IGSF10: variants seen among roughly 807,000 people sequenced by gnomAD.
IGSF10 encodes immunoglobulin superfamily member 10, also known as calvaria mechanical force protein 608.
In IGSF10, 126 loss-of-function variants were observed where a neutral mutation model predicts 128.2. The observed-to-expected ratio is 0.98, with a 90% CI of 0.85 to 1.14. The LOEUF is 1.14. IGSF10 is among the 50% of genes most tolerant of loss of function. The probability of loss-of-function intolerance (pLI) is 0.00; values close to 1 mark genes in which losing one functional copy is unlikely to be tolerated. For missense variants in IGSF10, 3,295 were observed against 3,149.8 expected (o/e 1.05, Z -1.10); for synonymous variants, 1,185 against 1,146.2 (o/e 1.03, Z -0.68).
the IGSF10 span, among the ~76,000 whole-genome samples, chr3:151,490,230 G>A: frequency 9.9e-5 from 15 of 152,190 alleles, no homozygotes; most frequent in East Asian, 7.7e-4. Flanking sequence ...AAAAGATATC[G>A]GGGTGGCTAA....
At chr3:151,489,278 C>A in the IGSF10 span, among the ~76,000 whole-genome samples, 1 of 152,090 alleles carries the variant, frequency 6.6e-6, no homozygotes, top group African/African-American at 2.4e-5. Context: ...CAATGAGATA[C>A]CATCTCATGC....
In IGSF10 at chr3:151,443,033, G is replaced by C; in HGVS notation, c.5914C>G (p.Gln1972Glu). Residue 1972 changes from glutamine (Q) to glutamate (E), a missense_variant, in exon 7 of 8, where the codon CAA becomes GAA. Physicochemically the swap from Gln to Glu is conservative, Grantham distance 29. Transcript: ENST00000282466. Reference sequence around the variant, plus strand: ...TTGGATGGTAACCTCCACATTATTTGGGGTTTGGGCTCCCCAGTGGCTGAG... The same window carrying C: ...TTGGATGGTAACCTCCACATTATTTCGGGTTTGGGCTCCCCAGTGGCTGAG... ...NCSATGEPKP[Q>E]IMWRLPSKAV... is the part of the protein sequence containing the mutation. 1 of 1,614,164 alleles carries C rather than the reference G, an allele frequency of 6.2e-7. No homozygotes were observed.
In IGSF10 at chr3:151,448,873, G is replaced by A. The variant is rs754784658; in HGVS notation, c.1108C>T (p.His370Tyr). 32 of 1,614,058 alleles carry A rather than the reference G, an allele frequency of 2.0e-5. No homozygotes were observed. The South Asian group carries it at 3.3e-4, about 17-fold the overall frequency. The change falls in exon 6 of 8, where the codon CAC becomes TAC. Residue 370 changes from histidine (H) to tyrosine (Y), a missense_variant. Transcript: ENST00000282466. ...TFLVCNIDYG[H>Y]IQPVWQILAL... ...AAAATTTGCCACACTGGCTGAATGTGACCGTAATCTATGTTGCACACCAAA... is the reference window on the plus strand; with the variant it reads ...AAAATTTGCCACACTGGCTGAATGTAACCGTAATCTATGTTGCACACCAAA...
At chr3:151,463,337 G>A (rs1339718047), upstream of IGSF10, among the ~76,000 whole-genome samples, 1 of 151,960 alleles carries the variant, frequency 6.6e-6, no homozygotes, top group Non-Finnish European at 1.5e-5. Context: ...GAGTATATAT[G>A]TGTCAAAGCC....
At chr3:151,522,823 G>A in the IGSF10 span, among the ~76,000 whole-genome samples, 1 of 152,180 alleles carries the variant, frequency 6.6e-6, no homozygotes, top group African/African-American at 2.4e-5. Context: ...CATAGTTTTG[G>A]AAGTTCTGGC....
the IGSF10 span, among the ~76,000 whole-genome samples, chr3:151,560,406 C>A: frequency 6.6e-6 from 1 of 152,098 alleles, no homozygotes; most frequent in Non-Finnish European, 1.5e-5. Flanking sequence ...GAGCTTTAAT[C>A]ATCTGTTCCT....
the IGSF10 span, among the ~76,000 whole-genome samples, chr3:151,472,432 T>C: frequency 6.6e-6 from 1 of 152,164 alleles, no homozygotes; most frequent in Non-Finnish European, 1.5e-5. Context: ...TTGGGCAAGT[T>C]ATAAAGCAGT....
the IGSF10 span, among the ~76,000 whole-genome samples, chr3:151,583,279 C>T: frequency 6.6e-6 from 1 of 151,478 alleles, no homozygotes; most frequent in Non-Finnish European, 1.5e-5. Flanking sequence ...AGATGAATAC[C>T]CATACAATTG....
upstream of IGSF10, among the ~76,000 whole-genome samples, chr3:151,463,830 C>CA (rs1560185733): frequency 6.6e-6 from 1 of 151,704 alleles, no homozygotes; most frequent in Non-Finnish European, 1.5e-5. Flanking sequence ...TACAAAAATA[C>CA]AAAAAAAGCC....
chr3:151,472,147 A>G, the IGSF10 span, among the ~76,000 whole-genome samples: 1 of 152,210 alleles, frequency 6.6e-6, no homozygotes, highest in African/African-American at 2.4e-5. Flanking sequence ...CCAGTGTTTG[A>G]CTTGTCAAAG....
the IGSF10 span, among the ~76,000 whole-genome samples, chr3:151,576,933 A>G: frequency 6.8e-6 from 1 of 147,508 alleles, no homozygotes; most frequent in East Asian, 1.9e-4. Context: ...TGCTCTACCT[A>G]TGGAGAAGCC....
At chr3:151,474,986 T>G in the IGSF10 span, among the ~76,000 whole-genome samples, 73,108 of 151,988 alleles carry the variant, frequency 0.48, 18,047 homozygotes, top group African/African-American at 0.59. Flanking sequence ...GAGATTTAGG[T>G]GGGGACACAG....
chr3:151,445,107 G>A lies in IGSF10; in HGVS notation c.4874C>T (p.Pro1625Leu). The change falls in exon 6 of 8, where the codon CCA (proline) becomes CTA (leucine). Residue 1625 changes from proline (P) to leucine (L), a missense_variant. Coordinates refer to ENST00000282466, the MANE Select transcript of IGSF10 (RefSeq NM_178822.5). ...NTKKSDFDKK[P>L]VQEATTSKLL... is the part of the protein sequence containing the mutation. The stretch of plus-strand genomic sequence containing the variant: ...TTTGGAAGTTGTTGCTTCTTGAACT[G>A]GTTTCTTATCAAAGTCACTCTTCTT... 1 of 1,614,092 alleles carries A rather than the reference G, an allele frequency of 6.2e-7. No individual in the cohort carries two copies. The highest frequency in any genetic ancestry group is 8.5e-7 in the Non-Finnish European group (1 of 1,179,986).
chr3:151,494,862 G>C, the IGSF10 span, among the ~76,000 whole-genome samples: 9 of 152,134 alleles, frequency 5.9e-5, no homozygotes, highest in African/African-American at 2.2e-4. Flanking sequence ...TTAAGGCAGT[G>C]CCATTAAATC....
chr3:151,569,405 C>T, the IGSF10 span, among the ~76,000 whole-genome samples: 3 of 152,126 alleles, frequency 2.0e-5, no homozygotes, highest in South Asian at 6.2e-4. Context: ...GTGTGCCTCT[C>T]ATTTGTTATC....
chr3:151,491,551 C>A, the IGSF10 span, among the ~76,000 whole-genome samples: 1 of 152,132 alleles, frequency 6.6e-6, no homozygotes, highest in South Asian at 2.1e-4. Flanking sequence ...GCACTCCAAC[C>A]TGGGTGACGG....
At chr3:151,471,682 T>G in the IGSF10 span, among the ~76,000 whole-genome samples, 1 of 152,208 alleles carries the variant, frequency 6.6e-6, no homozygotes, top group Non-Finnish European at 1.5e-5. Context: ...CATCAAAAAT[T>G]GACTCAAAGT....
chr3:151,594,417 T>C, the IGSF10 span, among the ~76,000 whole-genome samples: 1 of 146,164 alleles, frequency 6.8e-6, no homozygotes, highest in Non-Finnish European at 1.5e-5. Flanking sequence ...CACTGCAAGC[T>C]CCGCCTCCCG....
chr3:151,567,975 A>G, the IGSF10 span, among the ~76,000 whole-genome samples: 1 of 152,142 alleles, frequency 6.6e-6, no homozygotes, highest in African/African-American at 2.4e-5. Flanking sequence ...ACGTCTTACT[A>G]TAAGTGATCA....
Sources: gnomAD v4.1 joint callset for allele counts (sites outside exome capture counted in the v4.1 genomes callset) on GRCh38, gnomAD v4.1.1 for gene constraint, MANE v1.5 for transcripts, NCBI Gene and HGNC (gene_info 2026-07-23, HGNC 2026-07-21) for gene names.